The following ADAMTS14 variants were observed in gnomAD, a reference collection of about 807,000 sequenced individuals.
ADAMTS14 encodes A disintegrin and metalloproteinase with thrombospondin motifs 14.
In ADAMTS14, 100 loss-of-function variants were observed where a neutral mutation model predicts 128.6. The ratio of observed to expected loss-of-function variants is 0.78; its 90% confidence interval spans 0.66 to 0.92. The LOEUF (loss-of-function observed/expected upper bound fraction) is 0.92. Ranked by LOEUF, ADAMTS14 falls within the 40% of genes least tolerant of loss-of-function variation. ADAMTS14 has a pLI of 0.00. For missense variants in ADAMTS14, 1,562 were observed against 1,658.6 expected (o/e 0.94, Z 1.01); for synonymous variants, 665 against 653.8 (o/e 1.02, Z -0.26).
chr10:70,756,545 G>A (rs1222122562), intron 19 of ADAMTS14, among the ~76,000 whole-genome samples: 3 of 152,176 alleles, frequency 2.0e-5, no homozygotes, highest in South Asian at 2.1e-4. Context: ...CACAGAGACC[G>A]GGTGGTCTTC....
chr10:70,695,826 TG>T (rs1383520818), intron 2 of ADAMTS14, among the ~76,000 whole-genome samples: 10 of 152,230 alleles, frequency 6.6e-5, no homozygotes, highest in African/African-American at 2.2e-4. Flanking sequence ...GGAAGTCATT[TG>T]CAGTCATGCA....
intron 21 of ADAMTS14, among the ~76,000 whole-genome samples, chr10:70,759,361 C>T (rs1180181265): frequency 6.6e-6 from 1 of 151,694 alleles, no homozygotes; most frequent in Admixed American, 6.6e-5. Context: ...CCCTCTTTCT[C>T]TCTCTCTCTC....
At chr10:70,709,850 A>G (rs1840789715) in intron 4 of ADAMTS14, among the ~76,000 whole-genome samples, 1 of 152,218 alleles carries the variant, frequency 6.6e-6, no homozygotes, top group African/African-American at 2.4e-5. Flanking sequence ...TGGATGCCAA[A>G]CAAAATACAC....
In ADAMTS14 at chr10:70,749,864, A is replaced by G; in HGVS notation, c.2306A>G (p.Lys769Arg). ...QVTGSFILNP[K>R]GKEATSRTFT... ...ACCGGCAGCTTCATCCTCAACCCCA[A>G]GGGCAAGGAAGCCACAAGCCGGACC... The change falls in exon 16 of 22, where the codon AAG (lysine) becomes AGG (arginine). Residue 769 changes from lysine (K) to arginine (R), a missense_variant. Coordinates refer to ENST00000373207, the MANE Select transcript of ADAMTS14 (RefSeq NM_080722.4). 6.2e-7 allele frequency: 1 copy of G among 1,614,036 alleles called. No individual in the cohort carries two copies. Among genetic ancestry groups the G allele is most frequent in the Non-Finnish European group, 8.5e-7 (1 of 1,180,008 alleles).
Position 70,761,723 on chromosome 10 carries a change from CTG to C in ADAMTS14, c.*873_*874del, listed in dbSNP as rs1408336613. ...ATCACTCTCAGCCTGGAAGGGGACT[CTG>C]TGGGACACAGAGGGAACACGATTTC... is the stretch of plus-strand genomic sequence containing the variant. On this transcript the variant is annotated 3_prime_UTR_variant, in exon 22 of 22. Coordinates refer to ENST00000373207, the MANE Select transcript of ADAMTS14 (RefSeq NM_080722.4). 6.6e-6 allele frequency: 1 copy of C among 152,360 alleles called. No individual in the cohort carries two copies. Among genetic ancestry groups the C allele is most frequent in the East Asian group, 1.9e-4 (1 of 5,178 alleles). 9.4% of individuals were successfully genotyped at this position (152,360 alleles called of 1,614,324 possible). A position where few individuals can be genotyped will look rare whatever the true frequency, so the allele number is the denominator to read the frequency against.
chr10:70,741,071 G>A lies in ADAMTS14; in HGVS notation c.1833G>A (p.Glu611=), dbSNP rs758332976. 7 of 1,613,964 alleles carry A rather than the reference G, an allele frequency of 4.3e-6. No individual in the cohort carries two copies. The South Asian group carries it at 6.6e-5, about 15-fold the overall frequency. The change falls in exon 12 of 22, where the codon GAG becomes GAA. Residue 611 remains glutamate, a synonymous_variant. Coordinates refer to ENST00000373207, the MANE Select transcript of ADAMTS14 (RefSeq NM_080722.4). ...GCGAGGAGTGCCCTGGGACCTACGA[G>A]GACTTCCGGGCCCAGCAGTGTGCCA... The part of the protein sequence containing the change: ...CNSEECPGTY[E]DFRAQQCAKR...
chr10:70,745,165 G>A lies in ADAMTS14; in HGVS notation c.2183-61G>A, dbSNP rs562737904. On this transcript the variant is annotated intron_variant, in intron 14 of 21. Transcript: ENST00000373207. ...GGTGCCCAGTGAGGGAGTGGGGGAC[G>A]CTGGGCAGTGGGACCACCAGCTTAG... 6 of 1,527,816 alleles carry A rather than the reference G, an allele frequency of 3.9e-6. No homozygotes were observed. The African/African-American group carries it at 4.1e-5, about 10-fold the overall frequency. The allele number at this position is 1,527,816 out of a possible 1,614,324, so 94.6% of individuals were successfully genotyped here.
intron 3 of ADAMTS14, 39 bp downstream of exon 3, chr10:70,702,507 C>T (rs201568806): frequency 4.5e-6 from 7 of 1,565,698 alleles, no homozygotes; most frequent in Non-Finnish European, 6.1e-6. Context: ...GCTTCTCTCC[C>T]TACCTCTGGA....
At chr10:70,736,868 C>T in intron 10 of ADAMTS14, 75 bp downstream of exon 10, 1 of 1,360,616 alleles carries the variant, frequency 7.3e-7, no homozygotes, top group South Asian at 1.2e-5. Context: ...GGGTGGATCC[C>T]AGAGTGAACC....
Position 70,743,578 on chromosome 10 carries a change from C to T in ADAMTS14, c.1955C>T (p.Ser652Leu), listed in dbSNP as rs763159707. The T allele has an allele frequency of 3.7e-6, 6 of 1,612,484 alleles. No individual in the cohort carries two copies. Among genetic ancestry groups the T allele is most frequent in the South Asian group, 3.3e-5 (3 of 90,864 alleles). ...DAQKCELICQ[S>L]ADTGDVVFMN... is the part of the protein sequence containing the mutation. ...CAGAAGTGTGAGCTGATCTGCCAGT[C>T]GGCGGACACGGGGGACGTGGTGTTC... Residue 652 changes from serine (S) to leucine (L), a missense_variant, in exon 13 of 22, where the codon TCG becomes TTG. By Grantham distance (145) the Ser-to-Leu change is moderately radical. Transcript: ENST00000373207.
intron 10 of ADAMTS14, 30 bp from the exon 11 acceptor site, chr10:70,738,812 G>C: frequency 6.2e-6 from 10 of 1,613,244 alleles, no homozygotes; most frequent in Non-Finnish European, 8.5e-6. Context: ...AGCAGCCCAG[G>C]GTGACCTCAT....
chr10:70,737,167 G>C (rs1841852605), intron 10 of ADAMTS14, among the ~76,000 whole-genome samples: 1 of 152,168 alleles, frequency 6.6e-6, no homozygotes, highest in Admixed American at 6.5e-5. Context: ...AAGGGATGCA[G>C]AGAAATCTCT....
chr10:70,672,770 G>A lies in ADAMTS14; in HGVS notation c.-33G>A, dbSNP rs748651210. On this transcript the variant is annotated 5_prime_UTR_variant, in exon 1 of 22. Coordinates refer to ENST00000373207, the MANE Select transcript of ADAMTS14 (RefSeq NM_080722.4). The stretch of plus-strand genomic sequence containing the variant: ...CCTCAGCCTGGGACTTGGGGATCGG[G>A]CGCTTGCCCAGCCCGCGTCCCAGCG... 24 of 1,489,998 alleles carry A rather than the reference G, an allele frequency of 1.6e-5. No homozygotes were observed. In the African/African-American group the frequency reaches 2.2e-4, roughly 14 times the overall value. The allele number at this position is 1,489,998 out of a possible 1,614,324, so 92.3% of individuals were successfully genotyped here.
intron 18 of ADAMTS14, among the ~76,000 whole-genome samples, chr10:70,753,223 C>T (rs61851561): frequency 0.022 from 3,422 of 152,288 alleles, 50 homozygotes; most frequent in South Asian, 0.07. Flanking sequence ...CTCTAATGCA[C>T]CCAGTGGGCA....
intron 4 of ADAMTS14, among the ~76,000 whole-genome samples, chr10:70,722,397 G>C (rs1841298341): frequency 6.6e-6 from 1 of 152,184 alleles, no homozygotes; most frequent in East Asian, 1.9e-4. Context: ...AGGTTCAGAG[G>C]CAGTAAGTGA....
At position 70,703,316 on chromosome 10, in the gene ADAMTS14, AG is replaced by A. The variant is rs1284000956; in HGVS notation, c.679+849del. Among the ~76,000 whole-genome samples, 4 of 152,334 alleles carry A rather than the reference AG, an allele frequency of 2.6e-5. No individual in the cohort carries two copies. In the East Asian group the frequency reaches 7.7e-4, roughly 29 times the overall value. ...CAGTGTCACAAAGCTCCTTTGGCCA[AG>A]AGGAGATGAGGAGGCCATGGGTGAA... On this transcript the variant is annotated intron_variant, in intron 3 of 21. Coordinates refer to ENST00000373207, the MANE Select transcript of ADAMTS14 (RefSeq NM_080722.4).
intron 2 of ADAMTS14, among the ~76,000 whole-genome samples, chr10:70,696,255 T>G (rs572382230): frequency 1.3e-5 from 2 of 149,548 alleles, no homozygotes; most frequent in African/African-American, 2.5e-5. Context: ...GAGCACGGAG[T>G]AGGGGGACCA....
chr10:70,692,117 C>T (rs899512693), intron 2 of ADAMTS14, among the ~76,000 whole-genome samples: 9 of 152,148 alleles, frequency 5.9e-5, no homozygotes, highest in Admixed American at 3.3e-4. Flanking sequence ...TTGATTTCAT[C>T]GGTCTGGGAG....
Position 70,732,373 on chromosome 10 carries a change from G to A in ADAMTS14, c.1208+14G>A. 1 of 1,604,012 alleles carries A rather than the reference G, an allele frequency of 6.2e-7. No homozygotes were observed. The highest frequency in any genetic ancestry group is 2.2e-5 in the East Asian group (1 of 44,822). On this transcript the variant is annotated intron_variant, in intron 7 of 21. Transcript: ENST00000373207. ...GACCGGCCACGTGTAAGTGGCAGCAGCACGGTGGGTGGGACTGGCAGCTGT... is the reference window on the plus strand; with the variant it reads ...GACCGGCCACGTGTAAGTGGCAGCAACACGGTGGGTGGGACTGGCAGCTGT...
Sources: allele counts gnomAD v4.1 joint callset (sites outside exome capture counted in the v4.1 genomes callset), GRCh38; gene constraint gnomAD v4.1.1; transcripts MANE v1.5; gene names NCBI Gene and HGNC (gene_info 2026-07-23, HGNC 2026-07-21).